The following ATP8A2 variants were observed in gnomAD, a reference collection of about 807,000 sequenced individuals.
The protein encoded by ATP8A2 is ATPase phospholipid transporting 8A2, also known as phospholipid-transporting ATPase IB.
ATP8A2 carries 100 observed loss-of-function variants against 165.6 expected under a neutral mutation model. The ratio of observed to expected loss-of-function variants is 0.60; its 90% CI spans 0.51 to 0.71. The LOEUF (loss-of-function observed/expected upper bound fraction) is 0.71. Among genes scored for constraint, ATP8A2 ranks in the 30% least tolerant of loss-of-function variants. ATP8A2 has a pLI of 0.00. For synonymous variants in ATP8A2, 543 were observed against 548.8 expected (o/e 0.99, Z 0.15); for missense variants, 1,227 against 1,479.5 (o/e 0.83, Z 2.80).
At chr13:25,681,504 T>A (rs1173965023) in intron 24 of ATP8A2, among the ~76,000 whole-genome samples, 3 of 152,190 alleles carry the variant, frequency 2.0e-5, no homozygotes, top group African/African-American at 7.2e-5. Flanking sequence ...GCTGCAGGGT[T>A]AGGGCATTGG....
chr13:25,910,209 G>A (rs987162167), intron 33 of ATP8A2, among the ~76,000 whole-genome samples: 1 of 152,190 alleles, frequency 6.6e-6, no homozygotes, highest in Non-Finnish European at 1.5e-5. Flanking sequence ...TTTTCCAAAA[G>A]TGGTGCAGAA....
chr13:26,002,329 CA>C (rs754737595), intron 35 of ATP8A2, among the ~76,000 whole-genome samples: 1 of 151,864 alleles, frequency 6.6e-6, no homozygotes, highest in Non-Finnish European at 1.5e-5. Flanking sequence ...GAAAACCAAA[CA>C]CCACATGTTC....
chr13:25,772,214 A>G (rs2044636702), intron 26 of ATP8A2, among the ~76,000 whole-genome samples: 1 of 152,096 alleles, frequency 6.6e-6, no homozygotes, highest in Non-Finnish European at 1.5e-5. Flanking sequence ...CGGGAGAATC[A>G]TTCCTGCCCC....
intron 18 of ATP8A2, among the ~76,000 whole-genome samples, chr13:25,574,557 G>A (rs2039561042): frequency 6.6e-6 from 1 of 152,210 alleles, no homozygotes; most frequent in Non-Finnish European, 1.5e-5. Flanking sequence ...TGCAGCTGGT[G>A]TCCTCTATCT....
At chr13:25,886,527 G>A (rs1301454157) in intron 33 of ATP8A2, among the ~76,000 whole-genome samples, 1 of 152,194 alleles carries the variant, frequency 6.6e-6, no homozygotes, top group Non-Finnish European at 1.5e-5. Flanking sequence ...CTAATTCCAG[G>A]CTAGGGGCTG....
intron 2 of ATP8A2, among the ~76,000 whole-genome samples, chr13:25,492,469 T>G (rs950477700): frequency 2.6e-5 from 4 of 152,158 alleles, no homozygotes; most frequent in African/African-American, 9.7e-5. Flanking sequence ...GGGGGCTGCT[T>G]ACAAAAAAAA....
chr13:25,641,557 G>T (rs1440855899), intron 24 of ATP8A2, among the ~76,000 whole-genome samples: 1 of 152,086 alleles, frequency 6.6e-6, no homozygotes, highest in Non-Finnish European at 1.5e-5. Context: ...GGATGTGAAG[G>T]ACCTCTTCAA....
intron 25 of ATP8A2, among the ~76,000 whole-genome samples, chr13:25,740,125 C>T (rs897866568): frequency 1.3e-5 from 2 of 151,936 alleles, no homozygotes; most frequent in South Asian, 2.1e-4. Flanking sequence ...CTGGCTAACA[C>T]GGTGAAACCC....
At chr13:25,907,360 T>TA (rs928196100) in intron 33 of ATP8A2, among the ~76,000 whole-genome samples, 3 of 141,426 alleles carry the variant, frequency 2.1e-5, no homozygotes, top group Admixed American at 1.4e-4. Context: ...CAAAAATAAA[T>TA]AAAAAAATAA....
chr13:25,852,429 T>C (rs1274332798), intron 30 of ATP8A2, among the ~76,000 whole-genome samples: 1 of 152,172 alleles, frequency 6.6e-6, no homozygotes, highest in Non-Finnish European at 1.5e-5. Context: ...AAAGGTCAGA[T>C]CTCCAGGCGT....
At chr13:25,376,399 A>C (rs556009724) in intron 1 of ATP8A2, among the ~76,000 whole-genome samples, 17 of 152,312 alleles carry the variant, frequency 1.1e-4, no homozygotes, top group Admixed American at 6.5e-4. Flanking sequence ...GACTTGGTCT[A>C]ATGGTCTAGA....
intron 25 of ATP8A2, among the ~76,000 whole-genome samples, chr13:25,731,166 A>G (rs2043618710): frequency 8.4e-6 from 1 of 119,270 alleles, no homozygotes; most frequent in African/African-American, 3.5e-5. Flanking sequence ...AAAGAGAAAG[A>G]AGGAAGGAAA....
chr13:25,852,215 A>T (rs778189662), intron 30 of ATP8A2, among the ~76,000 whole-genome samples: 2 of 152,144 alleles, frequency 1.3e-5, no homozygotes, highest in Non-Finnish European at 2.9e-5. Context: ...CCCAGGGGAC[A>T]TTTGGCAATG....
intron 24 of ATP8A2, among the ~76,000 whole-genome samples, chr13:25,679,461 C>T (rs978991886): frequency 1.6e-4 from 24 of 152,106 alleles, no homozygotes; most frequent in African/African-American, 5.8e-4. Flanking sequence ...ATTTGACTTC[C>T]TTGGGTGTTA....
intron 27 of ATP8A2, among the ~76,000 whole-genome samples, chr13:25,805,182 C>T (rs1241233909): frequency 6.6e-6 from 1 of 151,724 alleles, no homozygotes; most frequent in Non-Finnish European, 1.5e-5. Context: ...CTTATTTTTT[C>T]CATCTACCCT....
At chr13:25,819,981 G>A (rs1224644526) in intron 27 of ATP8A2, among the ~76,000 whole-genome samples, 1 of 152,148 alleles carries the variant, frequency 6.6e-6, no homozygotes, top group African/African-American at 2.4e-5. Context: ...ATTCTCCATA[G>A]GGTACTTTTT....
intron 25 of ATP8A2, among the ~76,000 whole-genome samples, chr13:25,733,819 C>G (rs1397084558): frequency 2.0e-5 from 3 of 151,714 alleles, no homozygotes; most frequent in African/African-American, 7.3e-5. Context: ...CTCAGATCCT[C>G]TGAAACTAAG....
intron 27 of ATP8A2, among the ~76,000 whole-genome samples, chr13:25,783,171 T>G (rs1435949848): frequency 6.6e-6 from 1 of 152,238 alleles, no homozygotes; most frequent in African/African-American, 2.4e-5. Context: ...GTAAGTGCTC[T>G]GATGGCTGTG....
intron 2 of ATP8A2, among the ~76,000 whole-genome samples, chr13:25,509,380 G>A (rs2037149145): frequency 6.6e-6 from 1 of 152,066 alleles, no homozygotes. Flanking sequence ...ATTATTGCTA[G>A]AGGAAAAATG....
Sources: gnomAD v4.1 joint callset for allele counts (sites outside exome capture counted in the v4.1 genomes callset) on GRCh38, gnomAD v4.1.1 for gene constraint, MANE v1.5 for transcripts, NCBI Gene and HGNC (gene_info 2026-07-23, HGNC 2026-07-21) for gene names.